P2RX5: variants seen among roughly 807,000 people sequenced by gnomAD.
P2RX5 encodes the protein P2X purinoceptor 5.
In P2RX5, 46 loss-of-function variants were observed where a neutral mutation model predicts 54.1. That is an observed-to-expected ratio of 0.85 (90% CI 0.67 to 1.09). The LOEUF (loss-of-function observed/expected upper bound fraction) is 1.09, where lower values mean the gene tolerates loss of function less well. P2RX5 is among the 50% of genes least tolerant of loss of function. The pLI, the probability that P2RX5 is intolerant of heterozygous loss-of-function variation, is 0.00. For missense variants in P2RX5, 566 were observed against 549.8 expected (o/e 1.03, Z -0.29); for synonymous variants, 226 against 226.4 (o/e 1.00, Z 0.02).
At chr17:3,702,698 C>T in the P2RX5 span, among the ~76,000 whole-genome samples, 1 of 152,164 alleles carries the variant, frequency 6.6e-6, no homozygotes, top group African/African-American at 2.4e-5. Flanking sequence ...TCCAGACACA[C>T]CATCTTTAAG....
chr17:3,682,825 G>C (rs532403319), intron 9 of P2RX5: 2 of 152,432 alleles, frequency 1.3e-5, no homozygotes, highest in East Asian at 3.9e-4. Flanking sequence ...AGGAGTTCGA[G>C]ACCAGCCTGG....
chr17:3,700,947 T>A (rs984334323), upstream of P2RX5, among the ~76,000 whole-genome samples: 1 of 152,150 alleles, frequency 6.6e-6, no homozygotes, highest in African/African-American at 2.4e-5. Flanking sequence ...CCAGGGCGAA[T>A]GGCTGGTGTT....
chr17:3,719,906 T>G, the P2RX5 span, among the ~76,000 whole-genome samples: 1 of 152,132 alleles, frequency 6.6e-6, no homozygotes, highest in Non-Finnish European at 1.5e-5. Flanking sequence ...TTTTGTATTT[T>G]TGGTAGACAG....
the P2RX5 span, chr17:3,718,192 CCTT>C: frequency 1.4e-5 from 2 of 142,060 alleles, no homozygotes; most frequent in African/African-American, 6.4e-5. Context: ...CAGCTATTCT[CCTT>C]TGCCAGTGAC....
chr17:3,699,835 A>AGAGC (rs2050802691), upstream of P2RX5, among the ~76,000 whole-genome samples: 1 of 143,676 alleles, frequency 7.0e-6, no homozygotes. Flanking sequence ...AGAGAGAGAG[A>AGAGC]GAGAGAAAGA....
chr17:3,704,287 G>A, the P2RX5 span, among the ~76,000 whole-genome samples: 3 of 152,116 alleles, frequency 2.0e-5, no homozygotes, highest in Non-Finnish European at 2.9e-5. Context: ...AGGTCATTCC[G>A]CGATAAGGGG....
chr17:3,689,409 C>A, intron 7 of P2RX5, 83 bp downstream of exon 7: 1 of 1,535,498 alleles, frequency 6.5e-7, no homozygotes, highest in Non-Finnish European at 9.0e-7. Context: ...CCCACGAGTC[C>A]CCGTCCACAC....
intron 11 of P2RX5, chr17:3,677,904 T>G (rs149723710): frequency 1.0e-6 from 1 of 985,250 alleles, no homozygotes; most frequent in Non-Finnish European, 1.2e-6. Context: ...ATTGGGAGGC[T>G]CCCCTCCTCA....
At chr17:3,705,959 A>T in the P2RX5 span, among the ~76,000 whole-genome samples, 10 of 149,818 alleles carry the variant, frequency 6.7e-5, no homozygotes, top group African/African-American at 2.5e-4. Flanking sequence ...ACACCTGGAT[A>T]ATTTTTTTTT....
chr17:3,689,886 A>G (rs1567737154), intron 6 of P2RX5, among the ~76,000 whole-genome samples, 184 bp downstream of exon 6: 1 of 149,920 alleles, frequency 6.7e-6, no homozygotes, highest in African/African-American at 2.5e-5. Flanking sequence ...ACACGCACAC[A>G]CACAAACGCA....
rs114950025 is a variant in P2RX5, at chr17:3,678,372, G to C, written c.1259+1218C>G. 2.0e-5 allele frequency among the ~76,000 whole-genome samples: 3 copies of C among 152,362 alleles called. No homozygotes were observed. In the South Asian group the frequency reaches 6.2e-4, roughly 32 times the overall value. On this transcript the variant is annotated intron_variant, in intron 11 of 11. Transcript: ENST00000225328. ...CAGCAATTGCGGTGGCAGCTGGAGCGTGGGCCTGTGAGTCCACAGCCTCCC... is the reference window on the plus strand; with the variant it reads ...CAGCAATTGCGGTGGCAGCTGGAGCCTGGGCCTGTGAGTCCACAGCCTCCC...
chr17:3,697,459 G>A (rs2050782020), upstream of P2RX5, among the ~76,000 whole-genome samples: 1 of 152,162 alleles, frequency 6.6e-6, no homozygotes, highest in African/African-American at 2.4e-5. Flanking sequence ...CTGACCACAA[G>A]CAGTCCTGCT....
chr17:3,679,784 CCT>C lies in P2RX5; in HGVS notation c.1065-2_1065-1del. ...CCTCCTGGGAACTGTCTTCTAGGCC[CCT>C]GGACAAGATACAAGCTGTTCACCTG... On this transcript the variant is annotated splice_acceptor_variant, in intron 10 of 11. Coordinates refer to ENST00000225328, the MANE Select transcript of P2RX5 (RefSeq NM_002561.4). LOFTEE classifies it high-confidence loss of function. 1 of 1,609,100 alleles carries C rather than the reference CCT, an allele frequency of 6.2e-7. No individual in the cohort carries two copies. The highest frequency in any genetic ancestry group is 8.5e-7 in the Non-Finnish European group (1 of 1,179,668).
chr17:3,706,894 G>C, the P2RX5 span, among the ~76,000 whole-genome samples: 1 of 152,230 alleles, frequency 6.6e-6, no homozygotes, highest in Non-Finnish European at 1.5e-5. Context: ...ACAGGCGTGC[G>C]CCACTGCGCC....
chr17:3,720,316 G>A, the P2RX5 span: 2 of 1,549,564 alleles, frequency 1.3e-6, no homozygotes, highest in South Asian at 2.2e-5. Flanking sequence ...CCTTAGTTCT[G>A]TGGTTCTCTG....
intron 1 of P2RX5, among the ~76,000 whole-genome samples, 194 bp downstream of exon 1, chr17:3,695,675 G>A (rs1431277084): frequency 6.6e-6 from 1 of 152,060 alleles, no homozygotes; most frequent in African/African-American, 2.4e-5. Flanking sequence ...GGGGAGTGGA[G>A]AGCCCCCTCT....
intron 11 of P2RX5, chr17:3,676,268 G>A: frequency 1.0e-6 from 1 of 985,404 alleles, no homozygotes; most frequent in Middle Eastern, 5.2e-4. Flanking sequence ...CGTACTTCAT[G>A]TCCATTTTTG....
At chr17:3,713,774 A>G in the P2RX5 span, among the ~76,000 whole-genome samples, 1 of 151,916 alleles carries the variant, frequency 6.6e-6, no homozygotes, top group Non-Finnish European at 1.5e-5. Context: ...AAAGTAAAAT[A>G]AAAATTAAAA....
chr17:3,713,762 AT>A, the P2RX5 span, among the ~76,000 whole-genome samples: 1 of 151,760 alleles, frequency 6.6e-6, no homozygotes, highest in Non-Finnish European at 1.5e-5. Context: ...AAAAAAAAAA[AT>A]AAAGTAAAAT....
Sources: allele counts gnomAD v4.1 joint callset (sites outside exome capture counted in the v4.1 genomes callset), GRCh38; gene constraint gnomAD v4.1.1; transcripts MANE v1.5; gene names NCBI Gene and HGNC (gene_info 2026-07-23, HGNC 2026-07-21).